Variants in METTL23 observed in about 807,000 individuals in gnomAD.
METTL23 encodes histone-arginine methyltransferase METTL23.
In METTL23, 24 loss-of-function variants were observed where a neutral mutation model predicts 21.2. The observed-to-expected ratio is 1.13, with a 90% CI of 0.82 to 1.59. The LOEUF is 1.59. METTL23 is among the 40% of genes most tolerant of loss of function. METTL23 has a pLI of 0.00. For synonymous variants in METTL23, 97 were observed against 75.2 expected (o/e 1.29, Z -1.50); for missense variants, 276 against 221.4 (o/e 1.25, Z -1.57).
At chr17:76,726,353 G>C (rs747928309), upstream of METTL23, 2 of 1,582,684 alleles carry the variant, frequency 1.3e-6, no homozygotes, top group East Asian at 2.4e-5. Context: ...TCACCGCCAC[G>C]GCCGCCGGGC....
intron 2 of METTL23, among the ~76,000 whole-genome samples, chr17:76,730,946 AC>A (rs2077179536): frequency 6.6e-6 from 1 of 152,154 alleles, no homozygotes; most frequent in Admixed American, 6.5e-5. Flanking sequence ...TACTAAAAAT[AC>A]AAAAAAAATT....
At chr17:76,732,257 CT>C (rs369733054) in intron 2 of METTL23, among the ~76,000 whole-genome samples, 6 of 152,070 alleles carry the variant, frequency 3.9e-5, no homozygotes, top group Middle Eastern at 6.8e-3. Context: ...AATCCTAGCA[CT>C]TTGGGAGGCC....
intron 4 of METTL23, 55 bp from the exon 5 acceptor site, chr17:76,733,466 T>C (rs891304831): frequency 1.8e-5 from 29 of 1,599,674 alleles, no homozygotes; most frequent in Non-Finnish European, 2.4e-5. Context: ...ATAGAATACA[T>C]CTGAAGCAAA....
At chr17:76,728,215 A>T (rs2077035490) in intron 1 of METTL23, among the ~76,000 whole-genome samples, 1 of 148,044 alleles carries the variant, frequency 6.8e-6, no homozygotes, top group South Asian at 2.1e-4. Context: ...AGGCATGAGC[A>T]ACAGAGCAAG....
chr17:76,727,596 T>A (rs2076999743), intron 1 of METTL23, among the ~76,000 whole-genome samples: 3 of 152,278 alleles, frequency 2.0e-5, no homozygotes. Context: ...TCTTGATTCA[T>A]CCTTATCTCT....
In METTL23 at chr17:76,733,557, G is replaced by A. The variant is rs2077337917; in HGVS notation, c.444G>A (p.Trp148Ter). 1.2e-6 allele frequency: 2 copies of A among 1,613,538 alleles called. No homozygotes were observed. The highest frequency in any genetic ancestry group is 1.7e-6 in the Non-Finnish European group (2 of 1,179,776). ...CACTTGAAGCTTTACTCTACAAATGGGATATGAAATGTGTCCACATTCCTC... is the reference window on the plus strand; with the variant it reads ...CACTTGAAGCTTTACTCTACAAATGAGATATGAAATGTGTCCACATTCCTC... ...DWSLEALLYK[W>*]DMKCVHIPLE... The change falls in exon 5 of 5, where the codon TGG (tryptophan) becomes TGA (stop). Residue 148 changes from tryptophan (W) to a stop codon, truncating the protein, a stop_gained. Transcript: ENST00000341249. LOFTEE classifies it high-confidence loss of function.
At chr17:76,728,755 G>A (rs145534047) in intron 1 of METTL23, among the ~76,000 whole-genome samples, 2 of 150,728 alleles carry the variant, frequency 1.3e-5, no homozygotes, top group Non-Finnish European at 3.0e-5. Context: ...AAATGTAGGG[G>A]GTGATGATAT....
In METTL23 at chr17:76,733,197, G is replaced by C. The variant is rs767730875; in HGVS notation, c.304G>C (p.Val102Leu). The C allele has an allele frequency of 7.4e-6, 12 of 1,613,610 alleles. No individual in the cohort carries two copies. Among genetic ancestry groups the C allele is most frequent in the Non-Finnish European group, 9.3e-6 (11 of 1,179,762 alleles). Residue 102 changes from valine (V) to leucine (L), a missense_variant, in exon 3 of 5, where the codon GTG becomes CTG. Val to Leu is a conservative substitution (Grantham distance 32). Coordinates refer to ENST00000341249, the MANE Select transcript of METTL23 (RefSeq NM_001080510.5). ...ACAAGATATTATCCTTGCATCTGAT[G>C]TGTTCTTTGAACCAGAAGGTAAGCT... ...PPQDIILASD[V>L]FFEPEDFEDI...
At position 76,733,128 on chromosome 17, in the gene METTL23, C is replaced by A. The variant is rs753368095; in HGVS notation, c.235C>A (p.Leu79Ile). 9 of 1,613,758 alleles carry A rather than the reference C, an allele frequency of 5.6e-6. No individual in the cohort carries two copies. Among genetic ancestry groups the A allele is most frequent in the Admixed American group, 1.7e-5 (1 of 59,978 alleles). ...CCTGCCACATCTGCAGGTGGTAGGA[C>A]TAACATGGGGTCATATATCTTGGGA... ...NNLPHLQVVG[L>I]TWGHISWDLL... Residue 79 changes from leucine to isoleucine, a missense_variant, in exon 3 of 5, where the codon CTA becomes ATA. By Grantham distance (5) the Leu-to-Ile change is conservative. Transcript: ENST00000341249.
Position 76,733,377 on chromosome 17 carries a change from G to A in METTL23, c.407G>A (p.Ser136Asn). 1 of 1,613,504 alleles carries A rather than the reference G, an allele frequency of 6.2e-7. No homozygotes were observed. The highest frequency in any genetic ancestry group is 8.5e-7 in the Non-Finnish European group (1 of 1,179,610). The change falls in exon 4 of 5, where the codon AGT (serine) becomes AAT (asparagine). Residue 136 changes from serine to asparagine, a missense_variant and splice_region_variant. Transcript: ENST00000341249. ...VQLWSTYQVR[S>N]ADWSLEALLY... is the part of the protein sequence containing the mutation. ...TTGTGGTCTACTTATCAAGTTAGGA[G>A]GCAAGTATGGATGACCCTTACTTTT...
At chr17:76,726,197 G>T, upstream of METTL23, 1 of 1,110,894 alleles carries the variant, frequency 9.0e-7, no homozygotes, top group Non-Finnish European at 1.2e-6. Flanking sequence ...CGGAATCCGC[G>T]CCTCGGGGAC....
chr17:76,732,646 A>G (rs1488091002), intron 2 of METTL23: 3 of 328,414 alleles, frequency 9.1e-6, no homozygotes, highest in Non-Finnish European at 1.7e-5. Context: ...CCGTCTCAAA[A>G]AAATAAAACA....
At chr17:76,729,006 A>C (rs549776021) in intron 1 of METTL23, among the ~76,000 whole-genome samples, 1 of 150,774 alleles carries the variant, frequency 6.6e-6, no homozygotes, top group Admixed American at 6.6e-5. Flanking sequence ...TCACCGCGTT[A>C]GCCAGGATGG....
intron 2 of METTL23, among the ~76,000 whole-genome samples, chr17:76,731,079 C>T (rs1225666850): frequency 6.6e-6 from 1 of 151,922 alleles, no homozygotes; most frequent in East Asian, 1.9e-4. Context: ...TGCACTCCAG[C>T]CTGGGCGACA....
intron 2 of METTL23, 43 bp downstream of exon 2, chr17:76,729,837 A>C: frequency 7.1e-7 from 1 of 1,416,018 alleles, no homozygotes; most frequent in Non-Finnish European, 9.8e-7. Context: ...GGTTATGTTC[A>C]GATGTGTTAA....
intron 1 of METTL23, chr17:76,727,402 T>G (rs1005647421): frequency 1.7e-5 from 5 of 301,098 alleles, no homozygotes; most frequent in Non-Finnish European, 3.3e-5. Context: ...CTGGTCACTA[T>G]GTTGGTCAGG....
At chr17:76,733,462 T>G in intron 4 of METTL23, 59 bp from the exon 5 acceptor site, 1 of 1,599,102 alleles carries the variant, frequency 6.3e-7, no homozygotes, top group Non-Finnish European at 8.5e-7. Flanking sequence ...AAGAATAGAA[T>G]ACATCTGAAG....
intron 2 of METTL23, among the ~76,000 whole-genome samples, chr17:76,731,452 A>G (rs1286261908): frequency 6.6e-6 from 1 of 152,208 alleles, no homozygotes; most frequent in Non-Finnish European, 1.5e-5. Flanking sequence ...TTATAAGGGC[A>G]CTAATCATGA....
At chr17:76,726,230 T>C, upstream of METTL23, 1 of 1,335,664 alleles carries the variant, frequency 7.5e-7, no homozygotes, top group Non-Finnish European at 9.8e-7. Context: ...GGGGTGCGGG[T>C]GAGCCTCTAC....
Sources: allele counts gnomAD v4.1 joint callset (sites outside exome capture counted in the v4.1 genomes callset), GRCh38; gene constraint gnomAD v4.1.1; transcripts MANE v1.5; gene names NCBI Gene and HGNC (gene_info 2026-07-23, HGNC 2026-07-21).